Variants in MAPK10 observed in about 807,000 individuals in gnomAD.
The protein encoded by MAPK10 is mitogen-activated protein kinase 10.
MAPK10 carries 25 observed loss-of-function variants against 59.3 expected under a neutral mutation model. That is an observed-to-expected ratio of 0.42 (90% CI 0.31 to 0.59). The LOEUF (loss-of-function observed/expected upper bound fraction) is 0.59. MAPK10 is among the 20% of genes least tolerant of loss of function. MAPK10 has a pLI of 0.15. For synonymous variants in MAPK10, 190 were observed against 200.5 expected (o/e 0.95, Z 0.44); for missense variants, 351 against 568.9 (o/e 0.62, Z 3.90).
intron 9 of MAPK10, among the ~76,000 whole-genome samples, chr4:86,074,759 A>T (rs987757486): frequency 5.3e-5 from 7 of 133,108 alleles, no homozygotes; most frequent in Admixed American, 4.4e-4. Context: ...CTGCCGAGAG[A>T]TCCGCTGTTA....
intron 1 of MAPK10, among the ~76,000 whole-genome samples, chr4:86,428,978 GTTTTTC>G (rs1747670856): frequency 6.6e-6 from 1 of 152,044 alleles, no homozygotes; most frequent in African/African-American, 2.4e-5. Context: ...TTCTTGCGGG[GTTTTTC>G]TGTTTTTGTT....
chr4:86,449,533 A>ATG (rs3030142), intron 1 of MAPK10, among the ~76,000 whole-genome samples: 39,854 of 152,050 alleles, frequency 0.26, 5,890 homozygotes, highest in Admixed American at 0.33. Flanking sequence ...GTCAACTTCA[A>ATG]TGTGATACAT....
At chr4:86,412,745 C>T (rs568669079) in intron 1 of MAPK10, among the ~76,000 whole-genome samples, 2 of 152,314 alleles carry the variant, frequency 1.3e-5, no homozygotes, top group Admixed American at 6.5e-5. Flanking sequence ...TGGTTTTCAA[C>T]TCCATCGGGT....
chr4:86,351,748 T>C (rs1353621871), intron 2 of MAPK10, among the ~76,000 whole-genome samples: 1 of 151,990 alleles, frequency 6.6e-6, no homozygotes, highest in Admixed American at 6.6e-5. Context: ...TGATTTAACC[T>C]CTCTAAACCT....
At chr4:86,100,383 C>G (rs1050356020) in intron 8 of MAPK10, 10 of 152,096 alleles carry the variant, frequency 6.6e-5, no homozygotes, top group Admixed American at 6.6e-4. Flanking sequence ...CCATAGCCTT[C>G]ATTTTAAAGT....
In MAPK10 at chr4:86,322,061, C is replaced by T. The variant is rs140586877; in HGVS notation, c.-7+32469G>A. Reference sequence around the variant, plus strand: ...AATATAATCAGATTAATTTTAAATGCCACTGTAATCAAATATTCATAATTC... The same window carrying T: ...AATATAATCAGATTAATTTTAAATGTCACTGTAATCAAATATTCATAATTC... On this transcript the variant is annotated intron_variant, in intron 2 of 13. Transcript: ENST00000641462. 7.5e-4 allele frequency: 114 copies of T among 152,068 alleles called. 1 individual carries two copies. The highest frequency in any genetic ancestry group is 2.7e-3 in the African/African-American group (112 of 41,474). 9.4% of individuals were successfully genotyped at this position (152,068 alleles called of 1,614,324 possible). A position where few individuals can be genotyped will look rare whatever the true frequency, so the allele number is the denominator to read the frequency against.
intron 9 of MAPK10, among the ~76,000 whole-genome samples, chr4:86,086,858 T>G (rs1269514556): frequency 6.6e-6 from 1 of 152,202 alleles, no homozygotes; most frequent in African/African-American, 2.4e-5. Context: ...AAAATTTGTT[T>G]GCTTTAAGAC....
intron 4 of MAPK10, among the ~76,000 whole-genome samples, chr4:86,126,737 T>C (rs536048678): frequency 6.6e-6 from 1 of 152,064 alleles, no homozygotes; most frequent in Admixed American, 6.6e-5. Flanking sequence ...CTTAGAAATA[T>C]CTTAAAATTA....
intron 3 of MAPK10, among the ~76,000 whole-genome samples, chr4:86,189,071 T>C (rs2149303057): frequency 6.6e-6 from 1 of 152,332 alleles, no homozygotes; most frequent in East Asian, 1.9e-4. Context: ...GGGCATTATT[T>C]CTGAGGCCTC....
intron 1 of MAPK10, among the ~76,000 whole-genome samples, chr4:86,387,960 G>C (rs1343571345): frequency 3.4e-5 from 5 of 148,880 alleles, no homozygotes; most frequent in African/African-American, 1.2e-4. Flanking sequence ...ATATACAAAA[G>C]TATCCAGAAA....
At chr4:86,341,745 A>G (rs1725026562) in intron 2 of MAPK10, among the ~76,000 whole-genome samples, 1 of 152,050 alleles carries the variant, frequency 6.6e-6, no homozygotes. Context: ...TAATTAATTA[A>G]CAAGAAATGG....
At chr4:86,395,171 T>C (rs962304039) in intron 1 of MAPK10, among the ~76,000 whole-genome samples, 1 of 152,168 alleles carries the variant, frequency 6.6e-6, no homozygotes, top group South Asian at 2.1e-4. Flanking sequence ...GCAAAGGATG[T>C]TACCTTTGTT....
chr4:86,049,383 T>C (rs2043100416), intron 11 of MAPK10, among the ~76,000 whole-genome samples: 1 of 151,862 alleles, frequency 6.6e-6, no homozygotes, highest in African/African-American at 2.4e-5. Context: ...ATATAATACT[T>C]TTTAATGTAT....
At chr4:86,379,852 A>G (rs570757298) in intron 1 of MAPK10, among the ~76,000 whole-genome samples, 132 of 152,062 alleles carry the variant, frequency 8.7e-4, no homozygotes, top group Admixed American at 1.8e-3. Context: ...ACACCTCTAT[A>G]TTTTTGTGTG....
intron 3 of MAPK10, among the ~76,000 whole-genome samples, chr4:86,162,707 A>G (rs1247837351): frequency 6.6e-6 from 1 of 152,078 alleles, no homozygotes; most frequent in Non-Finnish European, 1.5e-5. Flanking sequence ...CTCATTCAAT[A>G]TCATTAATTC....
At chr4:86,546,216 CTT>C (rs1444706633) in intron 1 of MAPK10, among the ~76,000 whole-genome samples, 1 of 151,124 alleles carries the variant, frequency 6.6e-6, no homozygotes, top group African/African-American at 2.4e-5. Flanking sequence ...GAGCGAGACT[CTT>C]GTCTCCAAAA....
intron 1 of MAPK10, chr4:86,356,776 G>A (rs1431844202): frequency 6.6e-6 from 1 of 152,126 alleles, no homozygotes; most frequent in Non-Finnish European, 1.5e-5. Context: ...TCAGGCTTAT[G>A]TAATGCAATA....
chr4:86,183,409 G>A (rs147421171), intron 3 of MAPK10, among the ~76,000 whole-genome samples: 18,648 of 151,308 alleles, frequency 0.12, 1,840 homozygotes, highest in African/African-American at 0.28. Context: ...TTGTCCTTGC[G>A]ATAGTTTGCT....
chr4:86,078,512 G>A (rs562265835), intron 9 of MAPK10, among the ~76,000 whole-genome samples: 2 of 151,988 alleles, frequency 1.3e-5, no homozygotes, highest in East Asian at 1.9e-4. Flanking sequence ...CCCATGGAAA[G>A]TACTAATTAT....
Sources: gnomAD v4.1 joint callset for allele counts (sites outside exome capture counted in the v4.1 genomes callset) on GRCh38, gnomAD v4.1.1 for gene constraint, MANE v1.5 for transcripts, NCBI Gene and HGNC (gene_info 2026-07-23, HGNC 2026-07-21) for gene names.